Variants in DLGAP1 observed in about 807,000 individuals in gnomAD.
The protein encoded by DLGAP1 is DLG associated protein 1, also known as disks large-associated protein 1.
DLGAP1 carries 11 observed loss-of-function variants against 90.8 expected under a neutral mutation model. The ratio of observed to expected loss-of-function variants is 0.12; its 90% CI spans 0.08 to 0.20. The LOEUF is 0.20. Among genes scored for constraint, DLGAP1 ranks in the 10% least tolerant of loss-of-function variants. The pLI, the probability that DLGAP1 is intolerant of heterozygous loss-of-function variation, is 1.00. For missense variants in DLGAP1, 1,050 were observed against 1,333.8 expected, an observed-to-expected ratio of 0.79 and a Z score of 3.31; for synonymous variants, 558 against 540.7, an observed-to-expected ratio of 1.03 and a Z score of -0.44.
intron 3 of DLGAP1, among the ~76,000 whole-genome samples, chr18:3,916,272 G>C (rs528734798): frequency 6.6e-6 from 1 of 152,300 alleles, no homozygotes; most frequent in South Asian, 2.1e-4. Flanking sequence ...TCGGAGAACA[G>C]AGCAGCATAT....
chr18:3,996,336 A>G (rs1354834033), intron 3 of DLGAP1, among the ~76,000 whole-genome samples: 1 of 152,122 alleles, frequency 6.6e-6, no homozygotes, highest in African/African-American at 2.4e-5. Context: ...TTTTCATTTC[A>G]TTTTAATTAA....
chr18:3,829,630 A>G (rs2067922783), intron 4 of DLGAP1, among the ~76,000 whole-genome samples: 1 of 152,096 alleles, frequency 6.6e-6, no homozygotes, highest in Admixed American at 6.5e-5. Context: ...CAGGCTGGAA[A>G]CTCAGGCTGG....
At chr18:3,665,022 T>G (rs1175440965) in intron 7 of DLGAP1, among the ~76,000 whole-genome samples, 1 of 152,140 alleles carries the variant, frequency 6.6e-6, no homozygotes, top group Non-Finnish European at 1.5e-5. Flanking sequence ...TAAGCACAAC[T>G]GAAGTTGCTG....
At chr18:4,092,370 G>C (rs7505827) in intron 2 of DLGAP1, among the ~76,000 whole-genome samples, 51,432 of 152,032 alleles carry the variant, frequency 0.34, 9,142 homozygotes, top group African/African-American at 0.45. Context: ...GGCCCTGTGT[G>C]TCTGGATCTT....
Position 3,729,442 on chromosome 18 carries a change from C to T in DLGAP1, c.1351-67G>A, listed in dbSNP as rs2062332420. On this transcript the variant is annotated intron_variant, in intron 6 of 12. Transcript: ENST00000315677. This position sits in a 1 kb window ranked among gnomAD's most constrained non-coding sequence, Gnocchi z 6.2. The stretch of plus-strand genomic sequence containing the variant: ...GTGGAGGATCAACCTCTCCAAGCAT[C>T]TGCGAACTTCAATCCCCAGAAGAAA... 1 of 1,551,470 alleles carries T rather than the reference C, an allele frequency of 6.4e-7. No individual in the cohort carries two copies. Among genetic ancestry groups the T allele is most frequent in the African/African-American group, 1.4e-5 (1 of 73,614 alleles).
chr18:4,225,935 C>A (rs2078177617), intron 1 of DLGAP1, among the ~76,000 whole-genome samples: 1 of 151,972 alleles, frequency 6.6e-6, no homozygotes, highest in Non-Finnish European at 1.5e-5. Flanking sequence ...TAGCAATATT[C>A]AAGTACAAAA....
intron 3 of DLGAP1, among the ~76,000 whole-genome samples, chr18:3,914,453 G>A (rs1271799012): frequency 1.3e-5 from 2 of 152,056 alleles, no homozygotes; most frequent in Non-Finnish European, 2.9e-5. Context: ...TCCATTCATT[G>A]TTGATGGACA....
intron 2 of DLGAP1, among the ~76,000 whole-genome samples, chr18:4,079,437 G>GA (rs1363001934): frequency 6.6e-6 from 1 of 151,890 alleles, no homozygotes; most frequent in Non-Finnish European, 1.5e-5. Context: ...CTCAGGAATG[G>GA]AAAACCAAAT....
At chr18:3,779,764 CTT>C (rs11355225) in intron 5 of DLGAP1, among the ~76,000 whole-genome samples, 228 of 142,426 alleles carry the variant, frequency 1.6e-3, no homozygotes, top group African/African-American at 3.3e-3. Flanking sequence ...TCAGTGCACC[CTT>C]TTTTTTTTTT....
intron 3 of DLGAP1, among the ~76,000 whole-genome samples, chr18:3,899,424 G>A (rs1180639098): frequency 1.3e-5 from 2 of 152,200 alleles, no homozygotes. Context: ...AGAATGAGTG[G>A]TACCTGTGTA....
At chr18:3,654,725 T>A (rs1051810987) in intron 7 of DLGAP1, 4 of 152,196 alleles carry the variant, frequency 2.6e-5, no homozygotes, top group African/African-American at 9.7e-5. Flanking sequence ...ACTTGGATTG[T>A]CCTTCAGTAA....
intron 8 of DLGAP1, among the ~76,000 whole-genome samples, chr18:3,576,363 A>AGG (rs1362201452): frequency 6.8e-6 from 1 of 147,604 alleles, no homozygotes; most frequent in Non-Finnish European, 1.5e-5. Flanking sequence ...GGGTTCAATC[A>AGG]ATTCTCTGTC....
intron 2 of DLGAP1, among the ~76,000 whole-genome samples, chr18:4,016,935 T>C (rs1429501613): frequency 2.0e-5 from 3 of 152,224 alleles, no homozygotes; most frequent in Non-Finnish European, 2.9e-5. Flanking sequence ...ATGCATGTCA[T>C]GTAAAGCACG....
intron 6 of DLGAP1, among the ~76,000 whole-genome samples, chr18:3,732,010 C>T (rs1432913551): frequency 6.6e-6 from 1 of 152,138 alleles, no homozygotes; most frequent in African/African-American, 2.4e-5. Flanking sequence ...AGCGTGCATC[C>T]CTGGGCTCTA....
Position 4,305,405 on chromosome 18 carries a change from G to A in DLGAP1, c.-267+149601C>T, listed in dbSNP as rs181214153. The stretch of plus-strand genomic sequence containing the variant: ...CAAAATTAGCTGGGTGTGGTGGCAC[G>A]CGCCTGTAGTCCCAGACACTCGGGA... On this transcript the variant is annotated intron_variant, in intron 1 of 12. Transcript: ENST00000315677. 6.0e-4 allele frequency among the ~76,000 whole-genome samples: 91 copies of A among 151,916 alleles called. No homozygotes were observed. In the Middle Eastern group the frequency reaches 0.014, roughly 23 times the overall value.
intron 6 of DLGAP1, among the ~76,000 whole-genome samples, chr18:3,739,185 A>G (rs1162276571): frequency 2.1e-5 from 3 of 144,824 alleles, no homozygotes; most frequent in South Asian, 4.7e-4. Flanking sequence ...GTGGGACTGT[A>G]AACTAGTTCA....
chr18:3,741,565 A>G (rs2063046892), intron 6 of DLGAP1, among the ~76,000 whole-genome samples: 1 of 151,228 alleles, frequency 6.6e-6, no homozygotes, highest in Non-Finnish European at 1.5e-5. Context: ...CACCATCACT[A>G]TCATCACTGC....
At chr18:3,761,944 G>C (rs1021552225) in intron 5 of DLGAP1, among the ~76,000 whole-genome samples, 1 of 152,130 alleles carries the variant, frequency 6.6e-6, no homozygotes, top group Admixed American at 6.6e-5. Context: ...GAAGAACTTC[G>C]TCTTTTCTAT....
At chr18:3,924,710 T>A (rs2072343108) in intron 3 of DLGAP1, among the ~76,000 whole-genome samples, 3 of 152,180 alleles carry the variant, frequency 2.0e-5, no homozygotes, top group Non-Finnish European at 4.4e-5. Context: ...GTACTAATTA[T>A]AATATAGTTA....
Sources: gnomAD v4.1 joint callset for allele counts (sites outside exome capture counted in the v4.1 genomes callset) on GRCh38, gnomAD v4.1.1 for gene constraint, Gnocchi (gnomAD v3.1) non-coding constraint, MANE v1.5 for transcripts, NCBI Gene and HGNC (gene_info 2026-07-23, HGNC 2026-07-21) for gene names.